Variants in AGBL3 observed in about 807,000 individuals in gnomAD.
AGBL3 encodes the protein AGBL carboxypeptidase 3.
AGBL3 carries 68 observed loss-of-function variants against 94.5 expected under a neutral mutation model. The observed-to-expected ratio is 0.72, with a 90% CI of 0.59 to 0.88. The LOEUF is 0.88. Among genes scored for constraint, AGBL3 ranks in the 40% least tolerant of loss-of-function variants. AGBL3 has a pLI of 0.00. For synonymous variants in AGBL3, 354 were observed against 370.7 expected (o/e 0.95, Z 0.52); for missense variants, 934 against 1,103.8 (o/e 0.85, Z 2.18).
At chr7:135,110,432 C>A (rs1423833311) in intron 15 of AGBL3, among the ~76,000 whole-genome samples, 1 of 152,148 alleles carries the variant, frequency 6.6e-6, no homozygotes, top group Non-Finnish European at 1.5e-5. Context: ...AGCTGCTCTG[C>A]CAAGACTCCA....
At chr7:135,115,780 T>G in intron 16 of AGBL3, 169 bp downstream of exon 16, 2 of 564,874 alleles carry the variant, frequency 3.5e-6, no homozygotes, top group East Asian at 5.8e-5. Flanking sequence ...AAACACTGGA[T>G]AAATGAAGGA....
Position 135,034,389 on chromosome 7 carries a change from TAGGAACAACCCA to T in AGBL3, c.799_810del (p.Arg267_Pro270del). On this transcript the variant is annotated inframe_deletion, in exon 7 of 17. Transcript: ENST00000436302. The stretch of plus-strand genomic sequence containing the variant: ...GAATAGGAGACCAAATCAAGTATTA[TAGGAACAACCCA>T]GGCCAAGATGGGCGCCATTATTTCT... The T allele has an allele frequency of 6.4e-7, 1 of 1,551,668 alleles. No individual in the cohort carries two copies. Among genetic ancestry groups the T allele is most frequent in the Non-Finnish European group, 8.7e-7 (1 of 1,146,980 alleles).
chr7:134,987,856 T>G lies in AGBL3; in HGVS notation c.-59-19T>G, dbSNP rs1285951970. 1 of 1,030,678 alleles carries G rather than the reference T, an allele frequency of 9.7e-7. No individual in the cohort carries two copies. The highest frequency in any genetic ancestry group is 1.6e-5 in the African/African-American group (1 of 61,210). 63.8% of individuals were successfully genotyped at this position (1,030,678 alleles called of 1,614,324 possible). A position where few individuals can be genotyped will look rare whatever the true frequency, so the allele number is the denominator to read the frequency against. ...ACACCTACAGCTTGAAAAGAAAAGCTGTCATATAATTTCCTTAGAAATTGT... is the reference window on the plus strand; with the variant it reads ...ACACCTACAGCTTGAAAAGAAAAGCGGTCATATAATTTCCTTAGAAATTGT... On this transcript the variant is annotated intron_variant, in intron 1 of 16. Transcript: ENST00000436302.
At chr7:135,094,880 T>C (rs1157235685) in intron 15 of AGBL3, among the ~76,000 whole-genome samples, 1 of 152,168 alleles carries the variant, frequency 6.6e-6, no homozygotes, top group Non-Finnish European at 1.5e-5. Context: ...GAATGGTGCA[T>C]TTGCAACAGC....
At chr7:135,071,169 C>T (rs1034412392) in intron 12 of AGBL3, among the ~76,000 whole-genome samples, 9 of 152,090 alleles carry the variant, frequency 5.9e-5, no homozygotes, top group African/African-American at 1.4e-4. Flanking sequence ...TTACAAGGGA[C>T]GTGAAGGACC....
chr7:135,134,116 TG>T (rs1476269027), intron 16 of AGBL3, among the ~76,000 whole-genome samples: 2 of 152,028 alleles, frequency 1.3e-5, no homozygotes, highest in Admixed American at 6.6e-5. Flanking sequence ...GAGGGCAACA[TG>T]GGGGCAGTGT....
rs368980717 is a variant in AGBL3 at position 135,037,801 on chromosome 7, C to T, written c.1500+221C>T. ...GGCAAAAATGCCCCCAAACCTACCA[C>T]CATAATACCACTGCTCTTTTACCTT... On this transcript the variant is annotated intron_variant, in intron 8 of 16. Coordinates refer to ENST00000436302, the MANE Select transcript of AGBL3 (RefSeq NM_178563.4). 5.3e-5 allele frequency among the ~76,000 whole-genome samples: 8 copies of T among 152,226 alleles called. No homozygotes were observed. The East Asian group carries it at 1.4e-3, about 26-fold the overall frequency.
chr7:135,079,823 A>G (rs185991285), intron 13 of AGBL3, among the ~76,000 whole-genome samples: 11 of 152,148 alleles, frequency 7.2e-5, no homozygotes, highest in African/African-American at 2.4e-4. Flanking sequence ...ACATAATTTT[A>G]TATCTTTTCA....
chr7:135,102,556 T>G (rs1419131309), intron 15 of AGBL3, among the ~76,000 whole-genome samples: 3 of 151,914 alleles, frequency 2.0e-5, no homozygotes, highest in Non-Finnish European at 2.9e-5. Context: ...CAGTAGACCA[T>G]TTCATGAAGG....
intron 8 of AGBL3, among the ~76,000 whole-genome samples, chr7:135,040,836 A>G (rs1816774222): frequency 6.8e-6 from 1 of 148,006 alleles, no homozygotes; most frequent in Non-Finnish European, 1.5e-5. Flanking sequence ...CAGTGGCACA[A>G]TTATCTACAC....
intron 5 of AGBL3, among the ~76,000 whole-genome samples, chr7:135,030,409 AT>A (rs1319319564): frequency 6.6e-6 from 1 of 152,190 alleles, no homozygotes; most frequent in East Asian, 1.9e-4. Context: ...CAAGGAGGGT[AT>A]TGAATGTGTA....
At position 135,013,782 on chromosome 7, in the gene AGBL3, C is replaced by T. The variant is rs533692114; in HGVS notation, c.311-3270C>T. Among the ~76,000 whole-genome samples the T allele has an allele frequency of 2.6e-5, 4 of 152,190 alleles. No individual in the cohort carries two copies. In the South Asian group the frequency reaches 6.2e-4, roughly 24 times the overall value. On this transcript the variant is annotated intron_variant, in intron 4 of 16. Transcript: ENST00000436302. ...ATGACCACTGAGTCACTGATTATAC[C>T]ATCCCTCGAATCCACTCTACTTCTG...
intron 4 of AGBL3, chr7:135,010,109 A>C (rs1352832536): frequency 7.2e-6 from 3 of 414,988 alleles, no homozygotes; most frequent in African/African-American, 6.5e-5. Flanking sequence ...GCTCACTGCA[A>C]CCTCCACCTC....
chr7:135,001,769 A>T (rs1319360584), intron 4 of AGBL3, among the ~76,000 whole-genome samples: 1 of 152,200 alleles, frequency 6.6e-6, no homozygotes, highest in Admixed American at 6.5e-5. Flanking sequence ...ACCAGCTGAA[A>T]TTCAAGCTTG....
At chr7:135,033,571 TA>T (rs1244870976) in intron 6 of AGBL3, among the ~76,000 whole-genome samples, 1 of 152,200 alleles carries the variant, frequency 6.6e-6, no homozygotes, top group African/African-American at 2.4e-5. Flanking sequence ...GTTATGTATA[TA>T]AATAACATTC....
chr7:135,055,121 C>T (rs894029019), intron 11 of AGBL3, among the ~76,000 whole-genome samples: 2 of 152,188 alleles, frequency 1.3e-5, no homozygotes, highest in African/African-American at 4.8e-5. Context: ...CTAATCCAGT[C>T]TCACAAGAGT....
At chr7:135,129,307 T>C (rs1224450972) in intron 16 of AGBL3, 9 of 1,432,360 alleles carry the variant, frequency 6.3e-6, no homozygotes, top group Non-Finnish European at 8.9e-6. Flanking sequence ...TACCATGGGG[T>C]CTCTCCATGT....
At chr7:135,111,742 C>A (rs1825671301) in intron 15 of AGBL3, among the ~76,000 whole-genome samples, 1 of 152,174 alleles carries the variant, frequency 6.6e-6, no homozygotes, top group Non-Finnish European at 1.5e-5. Flanking sequence ...GACATCACCT[C>A]TGCCTAAATT....
chr7:135,018,983 T>G lies in AGBL3; in HGVS notation c.418+1824T>G, dbSNP rs561631084. 2.0e-3 allele frequency among the ~76,000 whole-genome samples: 304 copies of G among 152,290 alleles called. 1 individual carries two copies. The highest frequency in any genetic ancestry group is 6.9e-3 in the African/African-American group (288 of 41,556). On this transcript the variant is annotated intron_variant, in intron 5 of 16. Coordinates refer to ENST00000436302, the MANE Select transcript of AGBL3 (RefSeq NM_178563.4). The stretch of plus-strand genomic sequence containing the variant: ...CATCACCCCAGAAAGTTCCCATCTC[T>G]CCCCTTCTGGTCAGTCCGCAGCTCC...
Sources: allele counts gnomAD v4.1 joint callset (sites outside exome capture counted in the v4.1 genomes callset), GRCh38; gene constraint gnomAD v4.1.1; transcripts MANE v1.5; gene names NCBI Gene and HGNC (gene_info 2026-07-23, HGNC 2026-07-21).